Variants in SWT1 observed in about 807,000 individuals in gnomAD.
SWT1 encodes transcriptional protein SWT1.
SWT1 carries 33 observed loss-of-function variants against 107.3 expected under a neutral mutation model. The observed-to-expected ratio is 0.31, with a 90% CI of 0.23 to 0.41. The LOEUF (loss-of-function observed/expected upper bound fraction) is 0.41, where lower values mean the gene tolerates loss of function less well. Ranked by LOEUF, SWT1 falls within the 10% of genes least tolerant of loss-of-function variation. The pLI is 1.00. For missense variants in SWT1, 898 were observed against 1,028.9 expected (o/e 0.87, Z 1.74); for synonymous variants, 345 against 348.3 (o/e 0.99, Z 0.11).
chr1:185,239,161 T>C (rs191080136), intron 16 of SWT1, among the ~76,000 whole-genome samples: 1 of 152,236 alleles, frequency 6.6e-6, no homozygotes, highest in African/African-American at 2.4e-5. Flanking sequence ...ACTAACAGCT[T>C]TGGGTTCTAG....
intron 18 of SWT1, among the ~76,000 whole-genome samples, chr1:185,277,496 G>T (rs1384046652): frequency 1.3e-5 from 2 of 151,956 alleles, no homozygotes; most frequent in Non-Finnish European, 2.9e-5. Context: ...CACCATGTTG[G>T]CCAGGCTGGT....
intron 15 of SWT1, 44 bp from the exon 16 acceptor site, chr1:185,231,533 A>G (rs756293257): frequency 1.4e-6 from 2 of 1,386,434 alleles, no homozygotes; most frequent in Admixed American, 2.0e-5. Flanking sequence ...ATTACATTAA[A>G]TATGTATGTA....
chr1:185,201,873 T>A (rs1183506072), intron 10 of SWT1, among the ~76,000 whole-genome samples: 1 of 152,188 alleles, frequency 6.6e-6, no homozygotes, highest in African/African-American at 2.4e-5. Flanking sequence ...ATTTTCTGTG[T>A]CTTCAGGGTA....
chr1:185,180,331 T>G, intron 5 of SWT1, 60 bp from the exon 6 acceptor site: 2 of 1,392,758 alleles, frequency 1.4e-6, no homozygotes, highest in East Asian at 4.6e-5. Flanking sequence ...AGTGACAAGG[T>G]TGAAAAACCC....
At chr1:185,276,086 A>G (rs1664220261) in intron 17 of SWT1, among the ~76,000 whole-genome samples, 1 of 152,144 alleles carries the variant, frequency 6.6e-6, no homozygotes, top group Non-Finnish European at 1.5e-5. Flanking sequence ...ATGAATAGTA[A>G]GTTTCAAGAT....
intron 5 of SWT1, among the ~76,000 whole-genome samples, chr1:185,177,910 C>T (rs1655701340): frequency 6.6e-6 from 1 of 152,080 alleles, no homozygotes; most frequent in South Asian, 2.1e-4. Context: ...ATTTATCAAA[C>T]ATCTATTAAA....
intron 18 of SWT1, among the ~76,000 whole-genome samples, chr1:185,285,094 C>T (rs2102783364): frequency 6.6e-6 from 1 of 152,166 alleles, no homozygotes; most frequent in Admixed American, 6.5e-5. Flanking sequence ...GAGGCTTTGA[C>T]TAAGGTATTT....
At chr1:185,269,806 A>G (rs151038614) in intron 16 of SWT1, among the ~76,000 whole-genome samples, 6 of 152,326 alleles carry the variant, frequency 3.9e-5, no homozygotes, top group African/African-American at 7.2e-5. Context: ...GGATTTTTCA[A>G]TTCTATGATG....
At chr1:185,269,054 G>A (rs576447648) in intron 16 of SWT1, among the ~76,000 whole-genome samples, 27 of 151,962 alleles carry the variant, frequency 1.8e-4, no homozygotes, top group African/African-American at 6.0e-4. Context: ...GGGTTTCACC[G>A]TGTTAGCCAG....
At chr1:185,270,678 C>T (rs1663792006) in intron 16 of SWT1, among the ~76,000 whole-genome samples, 1 of 152,074 alleles carries the variant, frequency 6.6e-6, no homozygotes, top group Non-Finnish European at 1.5e-5. Flanking sequence ...CACTGCACTA[C>T]AGCCTGGGCG....
intron 16 of SWT1, chr1:185,258,098 T>G (rs1662747585): frequency 6.6e-6 from 1 of 152,236 alleles, no homozygotes; most frequent in East Asian, 1.9e-4. Context: ...TTAGTTTTTC[T>G]AATTCTCCTT....
intron 2 of SWT1, among the ~76,000 whole-genome samples, 170 bp downstream of exon 2, chr1:185,161,095 C>T (rs2102291108): frequency 6.6e-6 from 1 of 152,208 alleles, no homozygotes; most frequent in South Asian, 2.1e-4. Context: ...TTTATTTATT[C>T]CTCACAACTG....
At chr1:185,226,670 TA>T (rs1660081700) in intron 15 of SWT1, 1 of 430,826 alleles carries the variant, frequency 2.3e-6, no homozygotes, top group Admixed American at 4.1e-5. Flanking sequence ...TGATTCAAAT[TA>T]AAACAAACAA....
intron 13 of SWT1, among the ~76,000 whole-genome samples, chr1:185,208,977 T>G (rs759466854): frequency 3.3e-5 from 5 of 152,118 alleles, no homozygotes; most frequent in Non-Finnish European, 5.9e-5. Context: ...ACACTGTTAC[T>G]GGGCAAAAGT....
In SWT1 at chr1:185,276,678, A is replaced by C; in HGVS notation, c.2573+10A>C. ...CTCAGACTGAGTATAGGTAAGTCAT[A>C]TCTATATATAGATATAAACCATTGT... On this transcript the variant is annotated intron_variant, in intron 18 of 18. Transcript: ENST00000367500. The C allele has an allele frequency of 4.7e-6, 7 of 1,477,510 alleles. No individual in the cohort carries two copies. The highest frequency in any genetic ancestry group is 6.6e-6 in the Non-Finnish European group (7 of 1,066,240). 91.5% of individuals were successfully genotyped at this position (1,477,510 alleles called of 1,614,324 possible).
At chr1:185,196,804 A>G (rs1436557301) in intron 10 of SWT1, among the ~76,000 whole-genome samples, 1 of 152,206 alleles carries the variant, frequency 6.6e-6, no homozygotes, top group Non-Finnish European at 1.5e-5. Flanking sequence ...ATTGGTGTAT[A>G]GGAATGCTTG....
At chr1:185,234,517 A>G (rs1351785770) in intron 16 of SWT1, among the ~76,000 whole-genome samples, 2 of 151,930 alleles carry the variant, frequency 1.3e-5, no homozygotes, top group Admixed American at 6.6e-5. Flanking sequence ...TGCACATGAG[A>G]TGGGTCTCCT....
At position 185,252,352 on chromosome 1, in the gene SWT1, G is replaced by A. The variant is rs1166933249; in HGVS notation, c.2442-18971G>A. 2.0e-5 allele frequency among the ~76,000 whole-genome samples: 3 copies of A among 152,320 alleles called. No homozygotes were observed. The East Asian group carries it at 5.8e-4, about 29-fold the overall frequency. On this transcript the variant is annotated intron_variant, in intron 16 of 18. Transcript: ENST00000367500. ...TCCAGTTCTAGATCCCTGAGGAATT[G>A]CCACACTGACTTCCACAATGGTTGA...
chr1:185,191,504 G>A (rs529964346), intron 10 of SWT1, among the ~76,000 whole-genome samples: 36 of 152,080 alleles, frequency 2.4e-4, no homozygotes, highest in African/African-American at 8.7e-4. Context: ...TCTGTGAAAT[G>A]GAGCTACTAT....
Sources: gnomAD v4.1 joint callset for allele counts (sites outside exome capture counted in the v4.1 genomes callset) on GRCh38, gnomAD v4.1.1 for gene constraint, MANE v1.5 for transcripts, NCBI Gene and HGNC (gene_info 2026-07-23, HGNC 2026-07-21) for gene names.